The following MARCHF11 variants were observed in gnomAD, a reference collection of about 807,000 sequenced individuals.
The protein encoded by MARCHF11 is E3 ubiquitin-protein ligase MARCHF11.
In MARCHF11, 29 loss-of-function variants were observed where a neutral mutation model predicts 37.3. The ratio of observed to expected loss-of-function variants is 0.78; its 90% CI spans 0.58 to 1.06. The LOEUF (loss-of-function observed/expected upper bound fraction) is 1.06. Among genes scored for constraint, MARCHF11 ranks in the 50% least tolerant of loss-of-function variants. MARCHF11 has a pLI of 0.00. For synonymous variants in MARCHF11, 233 were observed against 228.0 expected (o/e 1.02, Z -0.20); for missense variants, 482 against 533.4 (o/e 0.90, Z 0.95).
intron 2 of MARCHF11, among the ~76,000 whole-genome samples, chr5:16,106,465 C>T (rs531649250): frequency 6.6e-6 from 1 of 152,348 alleles, no homozygotes; most frequent in African/African-American, 2.4e-5. Context: ...AGTTCTGTGA[C>T]TTGGCCCAAT....
At chr5:16,168,744 T>C (rs779592164) in intron 2 of MARCHF11, among the ~76,000 whole-genome samples, 13 of 151,886 alleles carry the variant, frequency 8.6e-5, no homozygotes, top group Non-Finnish European at 1.3e-4. Flanking sequence ...CAGATGATGA[T>C]AGAAAAAGGA....
At chr5:16,123,393 A>C (rs142478813) in intron 2 of MARCHF11, among the ~76,000 whole-genome samples, 9 of 152,278 alleles carry the variant, frequency 5.9e-5, no homozygotes, top group African/African-American at 2.2e-4. Flanking sequence ...GATGCCCTGA[A>C]CAGACCTTCA....
intron 3 of MARCHF11, among the ~76,000 whole-genome samples, chr5:16,077,643 A>G (rs1736543716): frequency 6.6e-6 from 1 of 152,224 alleles, no homozygotes; most frequent in African/African-American, 2.4e-5. Flanking sequence ...TAAGATGCTT[A>G]TAATTAAAAC....
chr5:16,067,729 C>T lies in MARCHF11; in HGVS notation c.951G>A (p.Leu317=), dbSNP rs1280087188. 6.2e-7 allele frequency: 1 copy of T among 1,613,876 alleles called. No homozygotes were observed. Among genetic ancestry groups the T allele is most frequent in the Non-Finnish European group, 8.5e-7 (1 of 1,179,834 alleles). Residue 317 remains leucine, a synonymous_variant, in exon 4 of 4, where the codon TTG becomes TTA. Transcript: ENST00000332432. The part of the protein sequence containing the change: ...RVFKRWRAVN[L]HWDVLNYDKA... The stretch of plus-strand genomic sequence containing the variant: ...TGTCATAATTTAACACATCCCAGTG[C>T]AAATTCACAGCTCGCCAGCGCTTAA...
Position 16,161,397 on chromosome 5 carries a change from C to G in MARCHF11, c.693+16329G>C, listed in dbSNP as rs56782886. Among the ~76,000 whole-genome samples the G allele has an allele frequency of 9.8e-3, 1,492 of 151,860 alleles. 29 individuals carry two copies. Among genetic ancestry groups the G allele is most frequent in the African/African-American group, 0.034 (1,409 of 41,438 alleles). ...TCGCTTTTCTCCTGAATAAAGGATT[C>G]TTAATAACCCACTTATGCTTACGGA... On this transcript the variant is annotated intron_variant, in intron 2 of 3. Transcript: ENST00000332432.
At chr5:16,104,480 C>T (rs1469956071) in intron 2 of MARCHF11, among the ~76,000 whole-genome samples, 1 of 152,044 alleles carries the variant, frequency 6.6e-6, no homozygotes, top group East Asian at 1.9e-4. Flanking sequence ...TAAATTACAT[C>T]TCAATAAAGC....
intron 2 of MARCHF11, among the ~76,000 whole-genome samples, chr5:16,157,333 G>GA (rs1399118480): frequency 1.3e-5 from 2 of 151,450 alleles, no homozygotes; most frequent in South Asian, 2.1e-4. Context: ...CACTTAAATA[G>GA]AAAAAAAATC....
At chr5:16,073,820 T>C (rs1355945830) in intron 3 of MARCHF11, among the ~76,000 whole-genome samples, 4 of 152,156 alleles carry the variant, frequency 2.6e-5, no homozygotes, top group South Asian at 2.1e-4. Context: ...ATCTCCACTG[T>C]TGTCCATATA....
chr5:16,102,248 G>A (rs781528580), intron 2 of MARCHF11, among the ~76,000 whole-genome samples: 3 of 152,144 alleles, frequency 2.0e-5, no homozygotes, highest in Non-Finnish European at 4.4e-5. Context: ...GCTACTACAT[G>A]GAACTGGGCT....
intron 3 of MARCHF11, among the ~76,000 whole-genome samples, chr5:16,085,601 A>T (rs578050513): frequency 4.2e-5 from 6 of 144,046 alleles, no homozygotes; most frequent in Admixed American, 1.4e-4. Context: ...CGGGGGGGGG[A>T]TAAACTGATA....
chr5:16,070,724 TAA>T (rs768712227), intron 3 of MARCHF11, among the ~76,000 whole-genome samples: 7 of 152,204 alleles, frequency 4.6e-5, no homozygotes, highest in Non-Finnish European at 1.0e-4. Context: ...GAACCAAATT[TAA>T]AGAGAGAGAA....
At chr5:16,107,466 T>G (rs1189510624) in intron 2 of MARCHF11, among the ~76,000 whole-genome samples, 1 of 152,082 alleles carries the variant, frequency 6.6e-6, no homozygotes, top group African/African-American at 2.4e-5. Flanking sequence ...GTTAAGCATG[T>G]TTTGCAAATA....
chr5:16,076,491 T>C (rs1736520819), intron 3 of MARCHF11, among the ~76,000 whole-genome samples: 2 of 152,188 alleles, frequency 1.3e-5, no homozygotes, highest in Admixed American at 6.5e-5. Flanking sequence ...ATTGGTAGAA[T>C]GGACTGGAAT....
rs1419837317 is a variant in MARCHF11 at position 16,067,436 on chromosome 5, C to T, written c.*35G>A. 6.3e-7 allele frequency: 1 copy of T among 1,580,478 alleles called. No individual in the cohort carries two copies. The highest frequency in any genetic ancestry group is 8.7e-7 in the Non-Finnish European group (1 of 1,155,404). ...CACTGCAATTACATTGCAAAATGTG[C>T]AGGGTGGTCCACACTGCATCATCTT... On this transcript the variant is annotated 3_prime_UTR_variant, in exon 4 of 4. Transcript: ENST00000332432.
intron 2 of MARCHF11, among the ~76,000 whole-genome samples, chr5:16,155,260 G>A (rs1316821051): frequency 6.6e-6 from 1 of 151,716 alleles, no homozygotes; most frequent in African/African-American, 2.4e-5. Context: ...AGAAACATAT[G>A]TATATACATG....
intron 2 of MARCHF11, among the ~76,000 whole-genome samples, chr5:16,174,463 C>T (rs1032585899): frequency 3.9e-5 from 6 of 152,226 alleles, no homozygotes; most frequent in African/African-American, 1.4e-4. Flanking sequence ...GACTCCAATT[C>T]TCAAAGAATT....
chr5:16,173,853 C>G (rs942950776), intron 2 of MARCHF11, among the ~76,000 whole-genome samples: 1 of 152,150 alleles, frequency 6.6e-6, no homozygotes, highest in African/African-American at 2.4e-5. Context: ...GTGTCTAATT[C>G]TCAAAATAAG....
chr5:16,071,636 A>G (rs1176881698), intron 3 of MARCHF11, among the ~76,000 whole-genome samples: 1 of 152,210 alleles, frequency 6.6e-6, no homozygotes, highest in African/African-American at 2.4e-5. Context: ...ATACTCGTGC[A>G]CACACATACA....
chr5:16,135,644 T>A (rs1337585741), intron 2 of MARCHF11, among the ~76,000 whole-genome samples: 1 of 151,978 alleles, frequency 6.6e-6, no homozygotes, highest in Non-Finnish European at 1.5e-5. Flanking sequence ...TTGATATAGA[T>A]GAAAAGCAAT....
Sources: gnomAD v4.1 joint callset for allele counts (sites outside exome capture counted in the v4.1 genomes callset) on GRCh38, gnomAD v4.1.1 for gene constraint, MANE v1.5 for transcripts, NCBI Gene and HGNC (gene_info 2026-07-23, HGNC 2026-07-21) for gene names.